The following TACC2 variants were observed in gnomAD, a reference collection of about 807,000 sequenced individuals.
TACC2 encodes the protein transforming acidic coiled-coil-containing protein 2.
TACC2 carries 137 observed loss-of-function variants against 227.3 expected under a neutral mutation model. The ratio of observed to expected loss-of-function variants is 0.60; its 90% CI spans 0.52 to 0.69. TACC2 has a LOEUF of 0.69. TACC2 is among the 30% of genes least tolerant of loss of function. The pLI is 0.00. For synonymous variants in TACC2, 1,523 were observed against 1,487.5 expected (o/e 1.02, Z -0.55); for missense variants, 3,470 against 3,694.4 (o/e 0.94, Z 1.57).
At chr10:122,143,029 A>G (rs1335112257) in intron 6 of TACC2, among the ~76,000 whole-genome samples, 1 of 152,022 alleles carries the variant, frequency 6.6e-6, no homozygotes, top group Non-Finnish European at 1.5e-5. Flanking sequence ...CGAGGGCCAC[A>G]CTCCGTCTCT....
intron 22 of TACC2, among the ~76,000 whole-genome samples, chr10:122,250,459 C>A (rs942902198): frequency 1.3e-5 from 2 of 152,224 alleles, no homozygotes; most frequent in Admixed American, 6.5e-5. Flanking sequence ...GATGGGGCAT[C>A]CTTTGTTGGC....
intron 3 of TACC2, among the ~76,000 whole-genome samples, chr10:122,079,555 A>G (rs17102994): frequency 0.16 from 24,528 of 152,180 alleles, 2,262 homozygotes; most frequent in East Asian, 0.32. Flanking sequence ...AGGAACAGGC[A>G]TTAGATAAAG....
chr10:122,199,096 G>A (rs1448836336), intron 8 of TACC2, among the ~76,000 whole-genome samples: 1 of 152,248 alleles, frequency 6.6e-6, no homozygotes, highest in Non-Finnish European at 1.5e-5. Context: ...AAAGGCCCGT[G>A]TTGGGGCCTT....
At chr10:122,107,960 T>C (rs1260564419) in intron 5 of TACC2, among the ~76,000 whole-genome samples, 2 of 149,850 alleles carry the variant, frequency 1.3e-5, no homozygotes, top group Admixed American at 6.7e-5. Flanking sequence ...GGTGCGATCT[T>C]GGCTCACTGC....
intron 3 of TACC2, among the ~76,000 whole-genome samples, chr10:122,074,128 T>C (rs1321479102): frequency 1.4e-5 from 2 of 145,378 alleles, no homozygotes; most frequent in African/African-American, 5.1e-5. Context: ...TTGCACAGGC[T>C]GGAATGCAGT....
intron 2 of TACC2, among the ~76,000 whole-genome samples, chr10:122,028,789 T>TCCCCC (rs1958450744): frequency 3.6e-5 from 1 of 27,976 alleles, no homozygotes; most frequent in Non-Finnish European, 6.5e-5. Flanking sequence ...TCCGCTCCCC[T>TCCCCC]CCCCTCCCCT....
chr10:121,991,130 A>C (rs551832970), intron 1 of TACC2, among the ~76,000 whole-genome samples: 1 of 152,286 alleles, frequency 6.6e-6, no homozygotes, highest in Non-Finnish European at 1.5e-5. Flanking sequence ...CATTTTAATG[A>C]AGTCTCTTAA....
At position 122,118,175 on chromosome 10, in the gene TACC2, C is replaced by T. The variant is rs544802603; in HGVS notation, c.5574-14434C>T. Among the ~76,000 whole-genome samples, 49 of 152,122 alleles carry T rather than the reference C, an allele frequency of 3.2e-4. No homozygotes were observed. In the South Asian group the frequency reaches 6.6e-3, roughly 21 times the overall value. On this transcript the variant is annotated intron_variant, in intron 5 of 22. Transcript: ENST00000369005. Reference sequence around the variant, plus strand: ...GACTACAGGCATGTGCCACCATGCCCGGCTAATTTTTGTATTTTTAGTAGA... The same window carrying T: ...GACTACAGGCATGTGCCACCATGCCTGGCTAATTTTTGTATTTTTAGTAGA...
At chr10:122,244,360 C>T (rs761876404) in intron 19 of TACC2, among the ~76,000 whole-genome samples, 3 of 152,222 alleles carry the variant, frequency 2.0e-5, no homozygotes, top group Non-Finnish European at 4.4e-5. Context: ...GTCCGTTCCC[C>T]GATCCCCATC....
At chr10:122,072,632 A>G (rs2078211079) in intron 3 of TACC2, among the ~76,000 whole-genome samples, 4 of 152,228 alleles carry the variant, frequency 2.6e-5, no homozygotes. Flanking sequence ...CAGTTAGAAT[A>G]TAAATTCCTT....
intron 5 of TACC2, among the ~76,000 whole-genome samples, chr10:122,094,578 G>A (rs1565288980): frequency 6.6e-6 from 1 of 152,086 alleles, no homozygotes; most frequent in East Asian, 1.9e-4. Flanking sequence ...CACCATGCCC[G>A]ACCCTCTAAA....
At chr10:122,249,181 C>G (rs375247253) in intron 21 of TACC2, 25 bp downstream of exon 21, 19 of 1,560,208 alleles carry the variant, frequency 1.2e-5, no homozygotes, top group Non-Finnish European at 1.7e-5. Context: ...CTGGGGGTGG[C>G]TCCCAGGGGC....
intron 3 of TACC2, among the ~76,000 whole-genome samples, chr10:122,059,601 G>C (rs2076580411): frequency 6.6e-6 from 1 of 151,780 alleles, no homozygotes; most frequent in Admixed American, 6.6e-5. Flanking sequence ...CAGCCATTCT[G>C]TGCCTGCTCC....
intron 6 of TACC2, among the ~76,000 whole-genome samples, chr10:122,133,997 C>T (rs1033598059): frequency 2.6e-5 from 4 of 151,952 alleles, no homozygotes; most frequent in African/African-American, 7.3e-5. Context: ...GGCAGGCGGC[C>T]GACAGCACCA....
At chr10:122,124,542 A>G (rs2086459277) in intron 5 of TACC2, among the ~76,000 whole-genome samples, 1 of 152,104 alleles carries the variant, frequency 6.6e-6, no homozygotes, top group East Asian at 1.9e-4. Context: ...GGCCCCTGTC[A>G]CACTGGCCCC....
intron 5 of TACC2, among the ~76,000 whole-genome samples, chr10:122,110,557 G>C (rs972161992): frequency 6.6e-6 from 1 of 152,144 alleles, no homozygotes; most frequent in Non-Finnish European, 1.5e-5. Context: ...GGCTGTGTCC[G>C]AATGCTGGCT....
chr10:122,124,626 C>T (rs2086479623), intron 5 of TACC2, among the ~76,000 whole-genome samples: 1 of 152,194 alleles, frequency 6.6e-6, no homozygotes, highest in South Asian at 2.1e-4. Flanking sequence ...CACGCTGTGT[C>T]CTCCAGACCC....
chr10:122,126,337 T>TGTGTGTGTGTGTGTGTGTGTGTGG, intron 5 of TACC2, among the ~76,000 whole-genome samples: 1 of 151,944 alleles, frequency 6.6e-6, no homozygotes, highest in Non-Finnish European at 1.5e-5. Flanking sequence ...TGTGTGTGTG[T>TGTGTGTGTGTGTGTGTGTGTGTGG]GTGTGTGTGT....
chr10:122,214,489 C>T (rs929481538), intron 9 of TACC2, among the ~76,000 whole-genome samples: 1 of 152,106 alleles, frequency 6.6e-6, no homozygotes, highest in Non-Finnish European at 1.5e-5. Context: ...GGATCACCCC[C>T]CAAAGCCTTT....
Sources: gnomAD v4.1 joint callset for allele counts (sites outside exome capture counted in the v4.1 genomes callset) on GRCh38, gnomAD v4.1.1 for gene constraint, MANE v1.5 for transcripts, NCBI Gene and HGNC (gene_info 2026-07-23, HGNC 2026-07-21) for gene names.